Variants in FAM135B observed in about 807,000 individuals in gnomAD.
The protein encoded by FAM135B is family with sequence similarity 135 member B.
FAM135B carries 43 observed loss-of-function variants against 127.7 expected under a neutral mutation model. That is an observed-to-expected ratio of 0.34 (90% CI 0.26 to 0.43). The LOEUF (loss-of-function observed/expected upper bound fraction) is 0.43, where lower values mean the gene tolerates loss of function less well. Ranked by LOEUF, FAM135B falls within the 20% of genes least tolerant of loss-of-function variation. The pLI is 1.00. For missense variants in FAM135B, 1,558 were observed against 1,725.6 expected, an observed-to-expected ratio of 0.90 and a Z score of 1.72; for synonymous variants, 670 against 665.1, an observed-to-expected ratio of 1.01 and a Z score of -0.11.
chr8:138,152,179 T>C lies in FAM135B; in HGVS notation c.2296A>G (p.Lys766Glu), dbSNP rs987262978. 3.2e-5 allele frequency: 51 copies of C among 1,613,880 alleles called. No homozygotes were observed. The highest frequency in any genetic ancestry group is 4.1e-5 in the Non-Finnish European group (48 of 1,180,020). The change falls in exon 13 of 20, where the codon AAG becomes GAG. Residue 766 changes from lysine (K) to glutamate (E), a missense_variant. Lys to Glu is a moderately conservative substitution (Grantham distance 56). Coordinates refer to ENST00000395297, the MANE Select transcript of FAM135B (RefSeq NM_015912.4). ...GGAGCAGATACAGACTTGGTTAACT[T>C]AGTGAGTGCCACCTCCCGCTCATCC... ...EEDEREVALT[K>E]LTKSVSAPHI...
chr8:138,385,575 C>G (rs1587311899), intron 1 of FAM135B, among the ~76,000 whole-genome samples: 1 of 152,226 alleles, frequency 6.6e-6, no homozygotes, highest in South Asian at 2.1e-4. Flanking sequence ...CTTTGGGAGG[C>G]TGAGACAGGT....
At chr8:138,253,219 A>G (rs1253915816) in intron 5 of FAM135B, among the ~76,000 whole-genome samples, 1 of 152,226 alleles carries the variant, frequency 6.6e-6, no homozygotes, top group African/African-American at 2.4e-5. Flanking sequence ...CTTGAAATAA[A>G]GAAGAATTTC....
chr8:138,195,873 T>C (rs1450563859), intron 8 of FAM135B, among the ~76,000 whole-genome samples: 1 of 152,236 alleles, frequency 6.6e-6, no homozygotes, highest in Admixed American at 6.5e-5. Context: ...TGAACTTTCC[T>C]CTGGTTCCAT....
intron 7 of FAM135B, among the ~76,000 whole-genome samples, chr8:138,208,198 A>G (rs1490873130): frequency 1.3e-5 from 2 of 152,276 alleles, no homozygotes; most frequent in South Asian, 2.1e-4. Flanking sequence ...AGTGCTGGGT[A>G]GAGGGTTCGA....
chr8:138,132,285 C>T lies in FAM135B; in HGVS notation c.*308G>A. 3.1e-6 allele frequency: 1 copy of T among 317,846 alleles called. No individual in the cohort carries two copies. The highest frequency in any genetic ancestry group is 5.9e-6 in the Non-Finnish European group (1 of 168,190). 19.7% of individuals were successfully genotyped at this position (317,846 alleles called of 1,614,324 possible). A position where few individuals can be genotyped will look rare whatever the true frequency, so the allele number is the denominator to read the frequency against. ...TAATCTCTCAGTAAGCCAGTAGTGG[C>T]TAGCAAGGGGAGCTCACCAACTCCC... On this transcript the variant is annotated 3_prime_UTR_variant, in exon 20 of 20. Coordinates refer to ENST00000395297, the MANE Select transcript of FAM135B (RefSeq NM_015912.4). The surrounding 1 kb of genome is among the most constrained non-coding windows in gnomAD (Gnocchi z 4.5).
chr8:138,335,964 G>A lies in FAM135B; in HGVS notation c.78-25044C>T, dbSNP rs564658362. Among the ~76,000 whole-genome samples the A allele has an allele frequency of 2.0e-3, 300 of 152,080 alleles. 1 individual carries two copies. Among genetic ancestry groups the A allele is most frequent in the African/African-American group, 6.7e-3 (278 of 41,476 alleles). ...AGGATTAAGAAACTCACTCAAAACC[G>A]CTCAACTACATGGAAACTGAACAAC... On this transcript the variant is annotated intron_variant, in intron 2 of 19. Transcript: ENST00000395297.
intron 7 of FAM135B, among the ~76,000 whole-genome samples, chr8:138,201,404 A>G (rs756537638): frequency 6.6e-6 from 1 of 152,248 alleles, no homozygotes; most frequent in Admixed American, 6.5e-5. Flanking sequence ...TGAAATAATA[A>G]TAAGTCAAAA....
intron 1 of FAM135B, among the ~76,000 whole-genome samples, chr8:138,398,750 A>C (rs74693595): frequency 6.6e-6 from 1 of 152,324 alleles, no homozygotes; most frequent in East Asian, 1.9e-4. Context: ...TATGATGAAA[A>C]GATGTTGAAA....
intron 2 of FAM135B, among the ~76,000 whole-genome samples, chr8:138,317,808 T>C (rs1340602733): frequency 6.6e-6 from 1 of 152,176 alleles, no homozygotes. Context: ...CAAGAAACAA[T>C]AACCTACCAT....
At chr8:138,280,904 A>G (rs1824215066) in intron 3 of FAM135B, among the ~76,000 whole-genome samples, 1 of 152,142 alleles carries the variant, frequency 6.6e-6, no homozygotes, top group Non-Finnish European at 1.5e-5. Flanking sequence ...AGAGGTGCAG[A>G]CACAGTGAGT....
chr8:138,445,692 A>G (rs1158077767), intron 1 of FAM135B, among the ~76,000 whole-genome samples: 3 of 152,222 alleles, frequency 2.0e-5, no homozygotes, highest in African/African-American at 7.2e-5. Context: ...CCCACGGCCA[A>G]TATCATACTG....
chr8:138,491,268 G>A (rs957883909), intron 1 of FAM135B, among the ~76,000 whole-genome samples: 8 of 152,078 alleles, frequency 5.3e-5, no homozygotes, highest in African/African-American at 1.9e-4. Context: ...TAAAGAATGG[G>A]GTGGAAAGAA....
intron 1 of FAM135B, among the ~76,000 whole-genome samples, chr8:138,466,346 A>AAGT (rs1159760387): frequency 6.6e-6 from 1 of 152,102 alleles, no homozygotes; most frequent in Non-Finnish European, 1.5e-5. Flanking sequence ...CAGGAGAGAG[A>AAGT]AGTAGGTCAG....
rs1236143728 is a variant in FAM135B, at chr8:138,152,155, G to C, written c.2320C>G (p.Pro774Ala). 3 of 1,614,016 alleles carry C rather than the reference G, an allele frequency of 1.9e-6. No homozygotes were observed. Among genetic ancestry groups the C allele is most frequent in the Non-Finnish European group, 2.5e-6 (3 of 1,180,024 alleles). ...GCCTCCTCTGGGCTACTGATGTGGGGAGCAGATACAGACTTGGTTAACTTA... is the reference window on the plus strand; with the variant it reads ...GCCTCCTCTGGGCTACTGATGTGGGCAGCAGATACAGACTTGGTTAACTTA... ...LTKLTKSVSAPHISSPEEAAE... is the reference protein window; with the variant it reads ...LTKLTKSVSAAHISSPEEAAE... The change falls in exon 13 of 20, where the codon CCC becomes GCC. Residue 774 changes from proline (P) to alanine (A), a missense_variant. By Grantham distance (27) the Pro-to-Ala change is conservative. Transcript: ENST00000395297.
chr8:138,430,541 G>GT (rs757627353), intron 1 of FAM135B, among the ~76,000 whole-genome samples: 13 of 152,174 alleles, frequency 8.5e-5, no homozygotes, highest in Non-Finnish European at 1.5e-4. Context: ...TGCTGGGCAG[G>GT]TGCTGGCCTC....
At chr8:138,306,878 C>T (rs1341818918) in intron 3 of FAM135B, among the ~76,000 whole-genome samples, 3 of 152,200 alleles carry the variant, frequency 2.0e-5, no homozygotes, top group Non-Finnish European at 4.4e-5. Context: ...GCCACCTCAC[C>T]TGGCCACAGG....
At chr8:138,143,496 C>A (rs1288000546) in intron 15 of FAM135B, among the ~76,000 whole-genome samples, 1 of 152,182 alleles carries the variant, frequency 6.6e-6, no homozygotes, top group Non-Finnish European at 1.5e-5. Flanking sequence ...CACACCAAGA[C>A]AGGCCTGAAT....
chr8:138,369,633 C>G (rs1830988819), intron 1 of FAM135B, among the ~76,000 whole-genome samples: 1 of 152,152 alleles, frequency 6.6e-6, no homozygotes, highest in Admixed American at 6.5e-5. Flanking sequence ...CAATGAAGAG[C>G]CATGGAGGTG....
In FAM135B at chr8:138,265,801, C is replaced by T. The variant is rs562977620; in HGVS notation, c.199G>A (p.Val67Met). ...AAGATCTGAAAGACCCGGCTGTGCA[C>T]GGTGCTGTCATGGACACAGGCTGAA... ...LHSACVHDSTVHSRVFQILYR... is the reference protein window; with the variant it reads ...LHSACVHDSTMHSRVFQILYR... The change falls in exon 4 of 20, where the codon GTG becomes ATG. Residue 67 changes from valine to methionine, a missense_variant. This residue lies in a region of FAM135B where 199 missense variants were observed against 245.7 expected (regional missense o/e 0.81). Coordinates refer to ENST00000395297, the MANE Select transcript of FAM135B (RefSeq NM_015912.4). 49 of 1,613,992 alleles carry T rather than the reference C, an allele frequency of 3.0e-5. 1 individual carries two copies. In the East Asian group the frequency reaches 7.6e-4, roughly 25 times the overall value.
Sources: gnomAD v4.1 joint callset for allele counts (sites outside exome capture counted in the v4.1 genomes callset) on GRCh38, gnomAD v4.1.1 for gene constraint, gnomAD v4.1.1 regional missense constraint, Gnocchi (gnomAD v3.1) non-coding constraint, MANE v1.5 for transcripts, NCBI Gene and HGNC (gene_info 2026-07-23, HGNC 2026-07-21) for gene names.